The following DIAPH3 variants were observed in gnomAD, a reference collection of about 807,000 sequenced individuals.
The protein encoded by DIAPH3 is diaphanous related formin 3, also known as protein diaphanous homolog 3.
A neutral mutation model predicts 144.3 loss-of-function variants in DIAPH3; 117 were observed. The observed-to-expected ratio is 0.81, with a 90% CI of 0.70 to 0.95. The LOEUF is 0.95. Among genes scored for constraint, DIAPH3 ranks in the 40% least tolerant of loss-of-function variants. The probability of loss-of-function intolerance (pLI) is 0.00; values close to 1 mark genes in which losing one functional copy is unlikely to be tolerated. For synonymous variants in DIAPH3, 519 were observed against 488.9 expected (o/e 1.06, Z -0.81); for missense variants, 1,421 against 1,412.7 (o/e 1.01, Z -0.09).
chr13:59,962,694 G>A (rs1223894894), intron 17 of DIAPH3, among the ~76,000 whole-genome samples: 2 of 151,766 alleles, frequency 1.3e-5, no homozygotes, highest in East Asian at 1.9e-4. Context: ...TTTCCCGCCC[G>A]GTCTTGCATC....
chr13:59,841,731 A>C (rs1314369569), intron 22 of DIAPH3, among the ~76,000 whole-genome samples: 1 of 152,198 alleles, frequency 6.6e-6, no homozygotes, highest in African/African-American at 2.4e-5. Flanking sequence ...TGACAATAAA[A>C]ATAATAGTAA....
At chr13:59,973,631 G>A (rs1477647241) in intron 15 of DIAPH3, among the ~76,000 whole-genome samples, 1 of 152,028 alleles carries the variant, frequency 6.6e-6, no homozygotes, top group Non-Finnish European at 1.5e-5. Context: ...AAAATTGCCA[G>A]TAAGATAGGA....
intron 17 of DIAPH3, among the ~76,000 whole-genome samples, chr13:59,963,724 C>A (rs1280544973): frequency 6.6e-6 from 1 of 152,120 alleles, no homozygotes; most frequent in Non-Finnish European, 1.5e-5. Context: ...CACTCTATCA[C>A]CCAATCTCTA....
chr13:60,052,844 C>T (rs2056401321), intron 4 of DIAPH3, among the ~76,000 whole-genome samples: 1 of 149,490 alleles, frequency 6.7e-6, no homozygotes, highest in South Asian at 2.1e-4. Context: ...ATCTGTAGTC[C>T]CAGCTACTTG....
chr13:59,742,606 G>A (rs2036515919), intron 27 of DIAPH3, among the ~76,000 whole-genome samples: 1 of 131,214 alleles, frequency 7.6e-6, no homozygotes, highest in Admixed American at 7.7e-5. Context: ...AGAAAAGAAA[G>A]AAAAGAAGAA....
intron 1 of DIAPH3, among the ~76,000 whole-genome samples, chr13:60,154,347 G>C (rs1566831387): frequency 6.6e-6 from 1 of 152,108 alleles, no homozygotes; most frequent in Non-Finnish European, 1.5e-5. Context: ...GGGAGGCACA[G>C]AGAACGGTTA....
rs2058026749 is a variant in DIAPH3, at chr13:60,093,797, A to G, written c.391-65T>C. ...GTAGAGCAGCAATTCTACATGCACT[A>G]CAAATGGAAAAATCAATAATTTGTG... On this transcript the variant is annotated intron_variant, in intron 3 of 27. Transcript: ENST00000400324. 6 of 1,015,910 alleles carry G rather than the reference A, an allele frequency of 5.9e-6. No homozygotes were observed. The Admixed American group carries it at 7.1e-5, about 12-fold the overall frequency. 62.9% of individuals were successfully genotyped at this position (1,015,910 alleles called of 1,614,324 possible). A position where few individuals can be genotyped will look rare whatever the true frequency, so the allele number is the denominator to read the frequency against.
At chr13:59,673,639 G>C (rs2032494760) in intron 27 of DIAPH3, among the ~76,000 whole-genome samples, 1 of 152,146 alleles carries the variant, frequency 6.6e-6, no homozygotes, top group Admixed American at 6.5e-5. Flanking sequence ...GTGATTAGAG[G>C]GTTGGGGTTT....
chr13:59,932,397 T>C (rs1450682020), intron 17 of DIAPH3, among the ~76,000 whole-genome samples: 2 of 152,124 alleles, frequency 1.3e-5, no homozygotes, highest in Non-Finnish European at 2.9e-5. Flanking sequence ...ACTAGTATCA[T>C]TGTCATCATC....
chr13:59,831,079 T>C (rs1371373462), intron 24 of DIAPH3, among the ~76,000 whole-genome samples: 1 of 151,912 alleles, frequency 6.6e-6, no homozygotes, highest in African/African-American at 2.4e-5. Context: ...GCTGGATATG[T>C]TCCTTCTCTG....
At chr13:59,955,292 G>C (rs553702585) in intron 17 of DIAPH3, among the ~76,000 whole-genome samples, 158 of 151,980 alleles carry the variant, frequency 1.0e-3, no homozygotes, top group African/African-American at 3.6e-3. Flanking sequence ...TCGAATCATG[G>C]GGGCGGGTTT....
chr13:60,139,561 C>T (rs985961985), intron 1 of DIAPH3, among the ~76,000 whole-genome samples: 1 of 152,126 alleles, frequency 6.6e-6, no homozygotes, highest in Non-Finnish European at 1.5e-5. Context: ...AGGCATCATT[C>T]AAGTGTCCAC....
chr13:59,950,038 A>C (rs192148655), intron 17 of DIAPH3, among the ~76,000 whole-genome samples: 1 of 152,320 alleles, frequency 6.6e-6, no homozygotes, highest in African/African-American at 2.4e-5. Context: ...TCTGGACTTT[A>C]CCTACTGCAA....
chr13:59,975,365 T>C (rs984663433), intron 14 of DIAPH3, among the ~76,000 whole-genome samples: 1 of 152,060 alleles, frequency 6.6e-6, no homozygotes, highest in South Asian at 2.1e-4. Flanking sequence ...AATCTTACTT[T>C]GTCCTTAATA....
chr13:59,730,502 G>T (rs571507679), intron 27 of DIAPH3, among the ~76,000 whole-genome samples: 1 of 152,156 alleles, frequency 6.6e-6, no homozygotes, highest in Non-Finnish European at 1.5e-5. Flanking sequence ...AGGGTGGAAT[G>T]CATCACAGAA....
intron 4 of DIAPH3, among the ~76,000 whole-genome samples, chr13:60,046,306 C>T (rs916185609): frequency 5.3e-5 from 8 of 152,038 alleles, no homozygotes; most frequent in Non-Finnish European, 5.9e-5. Flanking sequence ...TGCTCAATTA[C>T]TGTAAGGATA....
Position 59,839,088 on chromosome 13 carries a change from G to GT in DIAPH3, c.2862+235dup, listed in dbSNP as rs538184114. The GT allele has an allele frequency of 1.3e-4, 50 of 379,558 alleles. No homozygotes were observed. The East Asian group carries it at 2.8e-3, about 21-fold the overall frequency. 23.5% of individuals were successfully genotyped at this position (379,558 alleles called of 1,614,324 possible). On this transcript the variant is annotated intron_variant, in intron 23 of 27. Transcript: ENST00000400324. ...ATCATGCCACCGCACTCCAGCCTGG[G>GT]TTTCAAAAAATAAATAAATAAATAA...
chr13:60,106,122 T>TTTATCGGTTCACCTGAGCCCTTC (rs2058413076), intron 3 of DIAPH3, among the ~76,000 whole-genome samples: 1 of 152,120 alleles, frequency 6.6e-6, no homozygotes, highest in Non-Finnish European at 1.5e-5. Flanking sequence ...ACATCTGATT[T>TTTATCGGTTCACCTGAGCCCTTC]TTATCGGTTC....
chr13:60,005,749 A>G (rs532987362), intron 9 of DIAPH3, among the ~76,000 whole-genome samples: 60 of 152,220 alleles, frequency 3.9e-4, no homozygotes, highest in East Asian at 2.1e-3. Context: ...CCAAAGTGCT[A>G]GGATTACAGG....
Sources: gnomAD v4.1 joint callset for allele counts (sites outside exome capture counted in the v4.1 genomes callset) on GRCh38, gnomAD v4.1.1 for gene constraint, MANE v1.5 for transcripts, NCBI Gene and HGNC (gene_info 2026-07-23, HGNC 2026-07-21) for gene names.